Variants in ESCO1 observed in about 807,000 individuals in gnomAD.
The protein encoded by ESCO1 is N-acetyltransferase ESCO1.
A neutral mutation model predicts 83.5 loss-of-function variants in ESCO1; 33 were observed. That is an observed-to-expected ratio of 0.40 (90% CI 0.30 to 0.53). The LOEUF (loss-of-function observed/expected upper bound fraction) is 0.53, where lower values mean the gene tolerates loss of function less well. Ranked by LOEUF, ESCO1 falls within the 20% of genes least tolerant of loss-of-function variation. ESCO1 has a pLI of 0.63. For synonymous variants in ESCO1, 332 were observed against 324.3 expected (o/e 1.02, Z -0.25); for missense variants, 855 against 968.0 (o/e 0.88, Z 1.55).
At chr18:21,548,957 G>C (rs1283554293) in intron 8 of ESCO1, among the ~76,000 whole-genome samples, 1 of 151,466 alleles carries the variant, frequency 6.6e-6, no homozygotes, top group Non-Finnish European at 1.5e-5. Context: ...AAAAAAAGAG[G>C]CAAGAAATAT....
chr18:21,532,601 T>C lies in ESCO1; in HGVS notation c.2247A>G (p.Arg749=). 2 of 1,614,174 alleles carry C rather than the reference T, an allele frequency of 1.2e-6. No individual in the cohort carries two copies. The highest frequency in any genetic ancestry group is 1.6e-4 in the Middle Eastern group (1 of 6,062). ...AGCACCAGGCTTTTTGCCTTTCAAA[T>C]CTGACTTTTTCTTCTTCTGACCTGA... is the stretch of plus-strand genomic sequence containing the variant. ...PVIRSEEEKV[R]FERQKAWCCS... The change falls in exon 11 of 12, where the codon AGA becomes AGG. Residue 749 remains arginine, a synonymous_variant. Coordinates refer to ENST00000269214, the MANE Select transcript of ESCO1 (RefSeq NM_052911.3).
At chr18:21,570,394 T>C (rs944194910) in intron 4 of ESCO1, among the ~76,000 whole-genome samples, 15 of 152,202 alleles carry the variant, frequency 9.9e-5, no homozygotes, top group East Asian at 5.8e-4. Flanking sequence ...CCACTGTGCC[T>C]GGCCCAAGGT....
intron 8 of ESCO1, among the ~76,000 whole-genome samples, chr18:21,547,247 A>G (rs1235190640): frequency 1.3e-5 from 2 of 152,168 alleles, no homozygotes; most frequent in Non-Finnish European, 2.9e-5. Flanking sequence ...AAAGATCTTT[A>G]TAATAATTTT....
At chr18:21,592,066 A>C (rs1457548017) in intron 1 of ESCO1, among the ~76,000 whole-genome samples, 2 of 151,570 alleles carry the variant, frequency 1.3e-5, no homozygotes, top group Non-Finnish European at 2.9e-5. Context: ...TCCCATGTCT[A>C]CTTCTTTCCA....
intron 9 of ESCO1, 118 bp downstream of exon 9, chr18:21,539,802 C>T (rs932870874): frequency 5.4e-6 from 4 of 746,376 alleles, no homozygotes; most frequent in Admixed American, 2.4e-5. Context: ...GAGCCGAGAT[C>T]GTGCCACTGC....
In ESCO1 at chr18:21,573,761, T is replaced by A. The variant is rs1242254245; in HGVS notation, c.1083A>T (p.Gln361His). 2 of 1,614,072 alleles carry A rather than the reference T, an allele frequency of 1.2e-6. No individual in the cohort carries two copies. The highest frequency in any genetic ancestry group is 2.7e-5 in the African/African-American group (2 of 74,940). Residue 361 changes from glutamine (Q) to histidine (H), a missense_variant, in exon 4 of 12, where the codon CAA becomes CAT. Transcript: ENST00000269214. Reference sequence around the variant, plus strand: ...TTCTACTTGGGAAAAAACGATTACATTGCACATCCTGATTTGTTTCCTTCT... The same window carrying A: ...TTCTACTTGGGAAAAAACGATTACAATGCACATCCTGATTTGTTTCCTTCT... ...LHQKETNQDVQCNRFFPSRKT... is the reference protein window; with the variant it reads ...LHQKETNQDVHCNRFFPSRKT...
intron 1 of ESCO1, among the ~76,000 whole-genome samples, chr18:21,586,576 T>C (rs1000782247): frequency 1.3e-5 from 2 of 152,216 alleles, no homozygotes; most frequent in African/African-American, 4.8e-5. Context: ...ACAAAACTAA[T>C]TTTTGTACAT....
chr18:21,578,415 A>C (rs1377624047), intron 2 of ESCO1, among the ~76,000 whole-genome samples: 1 of 152,150 alleles, frequency 6.6e-6, no homozygotes, highest in Non-Finnish European at 1.5e-5. Flanking sequence ...TGGGAGAAAA[A>C]AAAGTAAGAA....
intron 6 of ESCO1, among the ~76,000 whole-genome samples, chr18:21,565,007 C>T (rs1250138550): frequency 1.3e-5 from 2 of 151,982 alleles, no homozygotes; most frequent in Admixed American, 6.6e-5. Flanking sequence ...ACCTGGGAGG[C>T]GGAGGTTGCG....
In ESCO1 at chr18:21,573,815, C is replaced by A. The variant is rs1217896164; in HGVS notation, c.1029G>T (p.Glu343Asp). 1 of 1,613,948 alleles carries A rather than the reference C, an allele frequency of 6.2e-7. No homozygotes were observed. The highest frequency in any genetic ancestry group is 2.2e-5 in the East Asian group (1 of 44,886). Residue 343 changes from glutamate (E) to aspartate (D), a missense_variant, in exon 4 of 12, where the codon GAG becomes GAT. This residue lies in a region of ESCO1 where 726 missense variants were observed against 699.5 expected (regional missense o/e 1.04). Coordinates refer to ENST00000269214, the MANE Select transcript of ESCO1 (RefSeq NM_052911.3). ...EEKPTEIKLE[E>D]TSVERQILHQ... ...GAAGTATTTGTCTTTCAACACTGGT[C>A]TCTTCCAATTTTATTTCTGTGGGCT... is the stretch of plus-strand genomic sequence containing the variant.
chr18:21,583,593 G>A (rs539108747), intron 2 of ESCO1, among the ~76,000 whole-genome samples: 4 of 151,738 alleles, frequency 2.6e-5, no homozygotes, highest in East Asian at 1.9e-4. Context: ...ATGGTGAGCC[G>A]AGATCATGCC....
chr18:21,588,203 TAAAC>T (rs1260878819), intron 1 of ESCO1, among the ~76,000 whole-genome samples: 1 of 151,444 alleles, frequency 6.6e-6, no homozygotes, highest in African/African-American at 2.4e-5. Flanking sequence ...GTTTCAAGGA[TAAAC>T]AAACAGACCA....
At position 21,573,790 on chromosome 18, in the gene ESCO1, G is replaced by C. The variant is rs751209746; in HGVS notation, c.1054C>G (p.His352Asp). The C allele has an allele frequency of 6.2e-7, 1 of 1,614,118 alleles. No individual in the cohort carries two copies. The highest frequency in any genetic ancestry group is 1.7e-5 in the Admixed American group (1 of 60,012). ...ACATCCTGATTTGTTTCCTTCTGATGAAGTATTTGTCTTTCAACACTGGTC... is the reference window on the plus strand; with the variant it reads ...ACATCCTGATTTGTTTCCTTCTGATCAAGTATTTGTCTTTCAACACTGGTC... The part of the protein sequence containing the change: ...EETSVERQIL[H>D]QKETNQDVQC... The change falls in exon 4 of 12, where the codon CAT becomes GAT. Residue 352 changes from histidine (H) to aspartate (D), a missense_variant. His to Asp is a moderately conservative substitution (Grantham distance 81, BLOSUM62 -1). Coordinates refer to ENST00000269214, the MANE Select transcript of ESCO1 (RefSeq NM_052911.3).
intron 8 of ESCO1, among the ~76,000 whole-genome samples, chr18:21,555,654 T>C (rs1377889775): frequency 6.6e-6 from 1 of 151,922 alleles, no homozygotes; most frequent in African/African-American, 2.4e-5. Context: ...ACTTAAAAAT[T>C]AGCCAGGTGT....
chr18:21,571,051 A>AT (rs538495949), intron 4 of ESCO1, among the ~76,000 whole-genome samples: 3 of 151,948 alleles, frequency 2.0e-5, no homozygotes, highest in East Asian at 1.9e-4. Context: ...ATTTTCAGTA[A>AT]TTTTTTTTAA....
chr18:21,531,074 T>C (rs934008567), intron 11 of ESCO1, among the ~76,000 whole-genome samples: 1 of 152,148 alleles, frequency 6.6e-6, no homozygotes, highest in African/African-American at 2.4e-5. Flanking sequence ...GTAAACTGTT[T>C]CTATACACTT....
chr18:21,560,825 T>C, intron 8 of ESCO1, 34 bp downstream of exon 8: 1 of 1,590,778 alleles, frequency 6.3e-7, no homozygotes, highest in Non-Finnish European at 8.5e-7. Context: ...AATTATCTGA[T>C]TTTTGCATTT....
At chr18:21,562,267 G>A (rs964686783) in intron 7 of ESCO1, among the ~76,000 whole-genome samples, 4 of 151,892 alleles carry the variant, frequency 2.6e-5, no homozygotes, top group Non-Finnish European at 4.4e-5. Flanking sequence ...CACGAGGTCA[G>A]GAGTTCAAGA....
At chr18:21,593,427 A>G (rs1056302785) in intron 1 of ESCO1, 10 of 154,228 alleles carry the variant, frequency 6.5e-5, no homozygotes, top group Non-Finnish European at 1.2e-4. Context: ...GTCTCCACCA[A>G]AAAAATACGA....
Sources: allele counts gnomAD v4.1 joint callset (sites outside exome capture counted in the v4.1 genomes callset), GRCh38; gene constraint gnomAD v4.1.1; regional missense constraint gnomAD v4.1.1; transcripts MANE v1.5; gene names NCBI Gene and HGNC (gene_info 2026-07-23, HGNC 2026-07-21).